The following GAS7 variants were observed in gnomAD, a reference collection of about 807,000 sequenced individuals.
GAS7 encodes the protein growth arrest-specific protein 7.
GAS7 carries 28 observed loss-of-function variants against 71.1 expected under a neutral mutation model. The observed-to-expected ratio is 0.39, with a 90% confidence interval of 0.29 to 0.54. The LOEUF (loss-of-function observed/expected upper bound fraction) is 0.54, where lower values mean the gene tolerates loss of function less well. Ranked by LOEUF, GAS7 falls within the 20% of genes least tolerant of loss-of-function variation. The probability of loss-of-function intolerance (pLI) is 0.62; values close to 1 mark genes in which losing one functional copy is unlikely to be tolerated. For synonymous variants in GAS7, 258 were observed against 245.8 expected, an observed-to-expected ratio of 1.05 and a Z score of -0.46; for missense variants, 436 against 627.8, an observed-to-expected ratio of 0.69 and a Z score of 3.27.
intron 1 of GAS7, among the ~76,000 whole-genome samples, chr17:10,120,242 C>T (rs1404537360): frequency 2.6e-5 from 4 of 152,174 alleles, no homozygotes; most frequent in Non-Finnish European, 5.9e-5. Context: ...GGAGCCAGGC[C>T]AGCCACCGGC....
chr17:9,967,867 T>C (rs11650718), intron 4 of GAS7, among the ~76,000 whole-genome samples: 1 of 152,068 alleles, frequency 6.6e-6, no homozygotes, highest in Non-Finnish European at 1.5e-5. Flanking sequence ...AGACAAGACA[T>C]CCCTGTGTCG....
chr17:9,988,400 A>T (rs2070720841), intron 2 of GAS7, among the ~76,000 whole-genome samples: 2 of 152,120 alleles, frequency 1.3e-5, no homozygotes, highest in South Asian at 2.1e-4. Flanking sequence ...CAGATGCAGA[A>T]TTTGCAATCA....
chr17:9,998,343 G>C (rs73262590), intron 2 of GAS7, among the ~76,000 whole-genome samples: 5 of 152,206 alleles, frequency 3.3e-5, no homozygotes. Flanking sequence ...TGCTATGGGC[G>C]TGACTACTTG....
intron 5 of GAS7, among the ~76,000 whole-genome samples, chr17:9,953,862 G>T (rs1264832186): frequency 6.6e-6 from 1 of 152,224 alleles, no homozygotes; most frequent in African/African-American, 2.4e-5. Context: ...GTGCAGTGTT[G>T]GGTACATAGT....
At chr17:10,106,961 G>T (rs1393364404) in intron 1 of GAS7, among the ~76,000 whole-genome samples, 2 of 152,144 alleles carry the variant, frequency 1.3e-5, no homozygotes, top group Non-Finnish European at 2.9e-5. Flanking sequence ...CAAGGTCAAA[G>T]AAGAAAGAGG....
chr17:10,030,719 G>C (rs183159418), intron 1 of GAS7, among the ~76,000 whole-genome samples: 27 of 152,264 alleles, frequency 1.8e-4, no homozygotes, highest in African/African-American at 6.5e-4. Context: ...ATGTCCTCCG[G>C]CCTCTTCCAA....
chr17:9,916,612 C>A lies in GAS7; in HGVS notation c.*616G>T, dbSNP rs1290170698. On this transcript the variant is annotated 3_prime_UTR_variant, in exon 14 of 14. Transcript: ENST00000432992. Reference sequence around the variant, plus strand: ...ATGAGGTAGTTCCATCCTGACCTCTCCAGGCATGGTGGGTCTGGGAAGACA... The same window carrying A: ...ATGAGGTAGTTCCATCCTGACCTCTACAGGCATGGTGGGTCTGGGAAGACA... The A allele has an allele frequency of 3.6e-6, 1 of 279,720 alleles. No individual in the cohort carries two copies. Among genetic ancestry groups the A allele is most frequent in the Admixed American group, 5.2e-5 (1 of 19,130 alleles). The allele number at this position is 279,720 out of a possible 1,614,324, so 17.3% of individuals were successfully genotyped here.
chr17:10,140,225 G>A (rs28575272), intron 1 of GAS7, among the ~76,000 whole-genome samples: 17,636 of 152,236 alleles, frequency 0.12, 1,985 homozygotes, highest in East Asian at 0.47. Context: ...ACTTTAGGAG[G>A]TCAAGGCGGG....
In GAS7 at chr17:10,030,463, G is replaced by T. The variant is rs1024079214; in HGVS notation, c.184-10566C>A. Among the ~76,000 whole-genome samples the T allele has an allele frequency of 3.3e-5, 5 of 152,344 alleles. 1 individual carries two copies. In the South Asian group the frequency reaches 1.0e-3, roughly 32 times the overall value. On this transcript the variant is annotated intron_variant, in intron 1 of 13. Coordinates refer to ENST00000432992, the MANE Select transcript of GAS7 (RefSeq NM_201433.2). The stretch of plus-strand genomic sequence containing the variant: ...GACCATGTCCTGTGGAACTGTGGTT[G>T]GACCCGTGTGAAAAGGGGGTCAGGT...
At chr17:10,068,183 G>T (rs1037617553) in intron 1 of GAS7, among the ~76,000 whole-genome samples, 2 of 152,100 alleles carry the variant, frequency 1.3e-5, no homozygotes, top group East Asian at 1.9e-4. Context: ...AGAGGGACAG[G>T]CACCCCCATA....
chr17:10,038,672 T>C (rs1187223641), intron 1 of GAS7, among the ~76,000 whole-genome samples: 1 of 151,568 alleles, frequency 6.6e-6, no homozygotes, highest in Admixed American at 6.6e-5. Context: ...AATAGAATAT[T>C]ACTCAGCCTT....
At chr17:10,187,451 C>T (rs914934772) in intron 1 of GAS7, among the ~76,000 whole-genome samples, 1 of 152,230 alleles carries the variant, frequency 6.6e-6, no homozygotes, top group African/African-American at 2.4e-5. Flanking sequence ...TTCATCATTA[C>T]TTTAAGGTAG....
chr17:9,934,120 C>T, intron 9 of GAS7, 46 bp downstream of exon 9: 1 of 1,211,278 alleles, frequency 8.3e-7, no homozygotes, highest in Non-Finnish European at 1.2e-6. Context: ...TTTTTTAGTA[C>T]CCCAGTGTGT....
intron 1 of GAS7, among the ~76,000 whole-genome samples, chr17:10,192,491 C>T (rs1051872369): frequency 1.3e-5 from 2 of 152,108 alleles, no homozygotes; most frequent in Non-Finnish European, 2.9e-5. Context: ...GTCTACCACA[C>T]CATCAGAAAA....
chr17:9,981,738 C>T lies in GAS7; in HGVS notation c.385+66G>A. 1.1e-6 allele frequency: 1 copy of T among 921,270 alleles called. No individual in the cohort carries two copies. 57.1% of individuals were successfully genotyped at this position (921,270 alleles called of 1,614,324 possible). Reference sequence around the variant, plus strand: ...GTTTAAGACCCAGGACCCATCATCTCAGCCTCTCCACTGAATGTGGCATCA... The same window carrying T: ...GTTTAAGACCCAGGACCCATCATCTTAGCCTCTCCACTGAATGTGGCATCA... On this transcript the variant is annotated intron_variant, in intron 3 of 13. Coordinates refer to ENST00000432992, the MANE Select transcript of GAS7 (RefSeq NM_201433.2). The surrounding 1 kb of genome is among the most constrained non-coding windows in gnomAD (Gnocchi z 4.4).
chr17:10,178,740 G>A (rs190886070), intron 1 of GAS7, among the ~76,000 whole-genome samples: 951 of 60,594 alleles, frequency 0.016, 17 homozygotes, highest in African/African-American at 0.055. Context: ...TTTTGCTGAT[G>A]AGCAAAAATT....
At chr17:10,036,345 C>T (rs1448788856) in intron 1 of GAS7, 3 of 1,119,166 alleles carry the variant, frequency 2.7e-6, no homozygotes, top group Non-Finnish European at 2.7e-6. Flanking sequence ...TTCAGAGCTG[C>T]CTCTTTACCA....
At position 10,096,295 on chromosome 17, in the gene GAS7, T is replaced by A. The variant is rs542793356; in HGVS notation, c.184-76398A>T. Among the ~76,000 whole-genome samples, 7 of 152,294 alleles carry A rather than the reference T, an allele frequency of 4.6e-5. No individual in the cohort carries two copies. In the East Asian group the frequency reaches 1.2e-3, roughly 25 times the overall value. The stretch of plus-strand genomic sequence containing the variant: ...TTTCAATTTATCAAATTCCCTACAG[T>A]CAACCACTTCCCAAATCCCCTGTAC... On this transcript the variant is annotated intron_variant, in intron 1 of 13. Transcript: ENST00000432992.
intron 1 of GAS7, among the ~76,000 whole-genome samples, chr17:10,138,034 C>G (rs976700873): frequency 1.3e-5 from 2 of 151,828 alleles, no homozygotes; most frequent in Non-Finnish European, 2.9e-5. Flanking sequence ...ACAATCTTGG[C>G]TCACTGCAAG....
Sources: gnomAD v4.1 joint callset for allele counts (sites outside exome capture counted in the v4.1 genomes callset) on GRCh38, gnomAD v4.1.1 for gene constraint, Gnocchi (gnomAD v3.1) non-coding constraint, MANE v1.5 for transcripts, NCBI Gene and HGNC (gene_info 2026-07-23, HGNC 2026-07-21) for gene names.